GNL3L: variants seen among roughly 807,000 people sequenced by gnomAD.
GNL3L encodes guanine nucleotide-binding protein-like 3-like protein.
Under a neutral mutation model 42.9 loss-of-function variants are expected in GNL3L, and 4 were observed. That is an observed-to-expected ratio of 0.09 (90% CI 0.05 to 0.21). The LOEUF (loss-of-function observed/expected upper bound fraction) is 0.21. Among genes scored for constraint, GNL3L ranks in the 10% least tolerant of loss-of-function variants. GNL3L has a pLI of 1.00. For synonymous variants in GNL3L, 159 were observed against 176.3 expected, an observed-to-expected ratio of 0.90 and a Z score of 0.78; for missense variants, 412 against 481.7, an observed-to-expected ratio of 0.86 and a Z score of 1.36.
chrX:54,541,393 A>G lies in GNL3L; in HGVS notation c.306+4A>G. 2 of 1,097,518 alleles carry G rather than the reference A, an allele frequency of 1.8e-6. No homozygotes were observed. Among genetic ancestry groups the G allele is most frequent in the South Asian group, 3.7e-5 (2 of 54,455 alleles). The allele number at this position is 1,097,518 out of a possible 1,213,427, so 90.4% of individuals were successfully genotyped here. On this transcript the variant is annotated splice_donor_region_variant and intron_variant, in intron 5 of 15. Coordinates refer to ENST00000360845, the MANE Select transcript of GNL3L (RefSeq NM_001184819.2). Reference sequence around the variant, plus strand: ...CCAGGAGGAGTTTGAGCATAAGGTAAGAGTGCAGCCCTTGCCCCTGGGTAG... The same window carrying G: ...CCAGGAGGAGTTTGAGCATAAGGTAGGAGTGCAGCCCTTGCCCCTGGGTAG...
chrX:54,607,072 CTCTTTCTTTCTTCTTTCTTTCTTTCTT>C lies in GNL3L; in HGVS notation c.*46-13760_*46-13734del, dbSNP rs1926094925. On this transcript the variant is annotated intron_variant, in intron 16 of 16. Transcript: ENST00000674498. ...TCTTTCTTTCTTTCTTTCTTTCTTT[CTCTTTCTTTCTTCTTTCTTTCTTTCTT>C]TCTTTCTTTCTTTCTTTCTTTCTTT... Among the ~76,000 whole-genome samples, 219 of 22,836 alleles carry C rather than the reference CTCTTTCTTTCTTCTTTCTTTCTTTCTT, an allele frequency of 9.6e-3. 1 individual carries two copies. The highest frequency in any genetic ancestry group is 0.016 in the South Asian group (7 of 446). The allele number at this position is 22,836 out of a possible 115,157, so 19.8% of individuals were successfully genotyped here.
At chrX:54,603,288 AAG>A (rs1926023981) in intron 16 of GNL3L, among the ~76,000 whole-genome samples, 1 of 111,834 alleles carries the variant, frequency 8.9e-6, no homozygotes, top group Non-Finnish European at 1.9e-5. Flanking sequence ...CAATGGAAAG[AAG>A]AGAGAGCTCT....
chrX:54,595,571 A>T (rs1925921949), intron 16 of GNL3L, among the ~76,000 whole-genome samples: 1 of 111,359 alleles, frequency 9.0e-6, no homozygotes, highest in South Asian at 3.7e-4. Context: ...TGGTATTGAT[A>T]TATTTCTCTA....
At chrX:54,575,793 C>A (rs1175262083) in intron 16 of GNL3L, among the ~76,000 whole-genome samples, 1 of 111,685 alleles carries the variant, frequency 9.0e-6, no homozygotes, top group Non-Finnish European at 1.9e-5. Context: ...GCCTGTAATC[C>A]CAGCAACTCG....
chrX:54,586,093 C>T (rs962931828), intron 16 of GNL3L, among the ~76,000 whole-genome samples: 2 of 110,977 alleles, frequency 1.8e-5, no homozygotes, highest in South Asian at 3.8e-4. Context: ...TATTGGAATT[C>T]GACAGAAAAG....
chrX:54,606,490 T>C (rs1275191318), intron 16 of GNL3L, among the ~76,000 whole-genome samples: 1 of 110,599 alleles, frequency 9.0e-6, no homozygotes, highest in Non-Finnish European at 1.9e-5. Flanking sequence ...CTCTCTCTCT[T>C]TTTTTTAAGA....
intron 16 of GNL3L, among the ~76,000 whole-genome samples, chrX:54,588,549 G>T (rs1331717672): frequency 2.7e-5 from 3 of 112,009 alleles, no homozygotes; most frequent in Admixed American, 9.5e-5. Context: ...ACCAGGCCGG[G>T]TGTGGTGGCT....
At position 54,565,853 on chromosome X, in the gene GNL3L, A is replaced by G. The variant is rs1303954734; in HGVS notation, c.*5251A>G. 2.2e-5 allele frequency among the ~76,000 whole-genome samples: 2 copies of G among 91,726 alleles called. No individual in the cohort carries two copies. The highest frequency in any genetic ancestry group is 4.1e-5 in the Non-Finnish European group (2 of 48,266). 79.7% of individuals were successfully genotyped at this position (91,726 alleles called of 115,157 possible). On this transcript the variant is annotated 3_prime_UTR_variant, in exon 16 of 16. Transcript: ENST00000360845. ...TTTTTTTTTTTTTTTTTTGAAACAGAGTCCTCACCCAGGTTGGAGTGTAGT... is the reference window on the plus strand; with the variant it reads ...TTTTTTTTTTTTTTTTTTGAAACAGGGTCCTCACCCAGGTTGGAGTGTAGT...
At chrX:54,601,570 G>C (rs1258314937) in intron 16 of GNL3L, among the ~76,000 whole-genome samples, 1 of 111,424 alleles carries the variant, frequency 9.0e-6, no homozygotes, top group Non-Finnish European at 1.9e-5. Flanking sequence ...GTTAGCAGAA[G>C]TCATTTGTTT....
At chrX:54,640,785 G>T in the GNL3L span, among the ~76,000 whole-genome samples, 119 of 112,428 alleles carry the variant, frequency 1.1e-3, no homozygotes, top group African/African-American at 3.8e-3. Flanking sequence ...AAACCTGGTG[G>T]ACTCCGGGTC....
At position 54,540,276 on chromosome X, in the gene GNL3L, C is replaced by T. The variant is rs772108944; in HGVS notation, c.189+34C>T. Reference sequence around the variant, plus strand: ...TTTGCCTTGGTGGGGAGAGAGAGGGCCTGCCTTGAATGCCAGGTCCGCAGA... The same window carrying T: ...TTTGCCTTGGTGGGGAGAGAGAGGGTCTGCCTTGAATGCCAGGTCCGCAGA... On this transcript the variant is annotated intron_variant, in intron 4 of 15. Transcript: ENST00000360845. 1.6e-5 allele frequency: 15 copies of T among 936,699 alleles called. No homozygotes were observed. The Admixed American group carries it at 3.2e-4, about 20-fold the overall frequency. The allele number at this position is 936,699 out of a possible 1,213,427, so 77.2% of individuals were successfully genotyped here. A position where few individuals can be genotyped will look rare whatever the true frequency, so the allele number is the denominator to read the frequency against.
At chrX:54,550,132 A>G (rs547456819) in intron 9 of GNL3L, among the ~76,000 whole-genome samples, 1 of 109,620 alleles carries the variant, frequency 9.1e-6, no homozygotes, top group South Asian at 4.1e-4. Flanking sequence ...AAACAAAGAT[A>G]AGATAGAGAA....
At position 54,566,858 on chromosome X, in the gene GNL3L, C is replaced by T. The variant is rs191288637; in HGVS notation, c.*6256C>T. On this transcript the variant is annotated 3_prime_UTR_variant, in exon 16 of 16. Coordinates refer to ENST00000360845, the MANE Select transcript of GNL3L (RefSeq NM_001184819.2). ...GTGTGCTCATAGGTCACTGTAGCTT[C>T]GACCTCCTGGGCTCAAGCGAACCTC... 3.6e-5 allele frequency among the ~76,000 whole-genome samples: 4 copies of T among 111,748 alleles called. No individual in the cohort carries two copies. Among genetic ancestry groups the T allele is most frequent in the East Asian group, 2.8e-4 (1 of 3,566 alleles).
chrX:54,622,319 C>T (rs1325070525), downstream of GNL3L, among the ~76,000 whole-genome samples: 1 of 81,350 alleles, frequency 1.2e-5, no homozygotes, highest in Non-Finnish European at 2.2e-5. Flanking sequence ...GAGTCTTGCT[C>T]CGTCGCCCAG....
chrX:54,640,153 A>G, the GNL3L span, among the ~76,000 whole-genome samples: 2 of 111,357 alleles, frequency 1.8e-5, no homozygotes, highest in South Asian at 3.9e-4. Context: ...TCCCAGAGAA[A>G]GAGTTGTGGG....
chrX:54,619,008 C>T (rs1256119662), intron 16 of GNL3L, among the ~76,000 whole-genome samples: 1 of 111,686 alleles, frequency 9.0e-6, no homozygotes, highest in Admixed American at 9.5e-5. Flanking sequence ...TTGCTAAAAC[C>T]TAGGGTTAGT....
chrX:54,607,005 T>TTTCTCTTTCTTTCTTTCC (rs1569542569), intron 16 of GNL3L, among the ~76,000 whole-genome samples: 31 of 26,644 alleles, frequency 1.2e-3, no homozygotes, highest in African/African-American at 0.01. Context: ...CCTTTCTTTC[T>TTTCTCTTTCTTTCTTTCC]TTCTTTCTTT....
chrX:54,575,766 C>T (rs962999455), intron 16 of GNL3L, among the ~76,000 whole-genome samples: 1 of 110,786 alleles, frequency 9.0e-6, no homozygotes, highest in Admixed American at 9.6e-5. Flanking sequence ...AAAAATTAGC[C>T]GGGCGTGGTG....
At position 54,565,824 on chromosome X, in the gene GNL3L, G is replaced by GT. The variant is rs766645013; in HGVS notation, c.*5243dup. 0.016 allele frequency among the ~76,000 whole-genome samples: 1,064 copies of GT among 67,700 alleles called. 9 individuals are homozygous for GT. Among genetic ancestry groups the GT allele is most frequent in the East Asian group, 0.038 (93 of 2,420 alleles). 58.8% of individuals were successfully genotyped at this position (67,700 alleles called of 115,157 possible). A position where few individuals can be genotyped will look rare whatever the true frequency, so the allele number is the denominator to read the frequency against. On this transcript the variant is annotated 3_prime_UTR_variant, in exon 16 of 16. Transcript: ENST00000360845. The stretch of plus-strand genomic sequence containing the variant: ...AGGATTATATGCTGGATACAGGGGT[G>GT]TTTTTTTTTTTTTTTTTTTTTGAAA...
Sources: gnomAD v4.1 joint callset for allele counts (sites outside exome capture counted in the v4.1 genomes callset) on GRCh38, gnomAD v4.1.1 for gene constraint, MANE v1.5 for transcripts, NCBI Gene and HGNC (gene_info 2026-07-23, HGNC 2026-07-21) for gene names.